FOLH1: variants seen among roughly 807,000 people sequenced by gnomAD.
The protein encoded by FOLH1 is glutamate carboxypeptidase 2.
FOLH1 carries 54 observed loss-of-function variants against 93.9 expected under a neutral mutation model. That is an observed-to-expected ratio of 0.57 (90% confidence interval 0.46 to 0.72). The LOEUF (loss-of-function observed/expected upper bound fraction) is 0.72. Ranked by LOEUF, FOLH1 falls within the 30% of genes least tolerant of loss-of-function variation. The pLI is 0.00. For missense variants in FOLH1, 571 were observed against 892.5 expected, an observed-to-expected ratio of 0.64 and a Z score of 4.59; for synonymous variants, 249 against 303.6, an observed-to-expected ratio of 0.82 and a Z score of 1.87.
chr11:49,194,260 T>C (rs1169492086), intron 3 of FOLH1, among the ~76,000 whole-genome samples: 1 of 151,126 alleles, frequency 6.6e-6, no homozygotes, highest in Admixed American at 6.6e-5. Context: ...AGATAATTCA[T>C]AACCCTACAA....
chr11:49,195,760 TAAGAAAATACTA>T (rs1862550801), intron 3 of FOLH1, among the ~76,000 whole-genome samples: 1 of 152,146 alleles, frequency 6.6e-6, no homozygotes, highest in African/African-American at 2.4e-5. Context: ...TTACAAAAGA[TAAGAAAATACTA>T]GGAACAACTA....
chr11:49,176,002 A>G, intron 7 of FOLH1, 45 bp from the exon 8 acceptor site: 1 of 1,564,520 alleles, frequency 6.4e-7, no homozygotes, highest in East Asian at 2.2e-5. Context: ...AAAACCTTGA[A>G]GTAACGCATT....
chr11:49,206,721 A>C, intron 1 of FOLH1: 1 of 1,521,316 alleles, frequency 6.6e-7, no homozygotes, highest in East Asian at 2.5e-5. Context: ...TTGCGTTTCC[A>C]GTGAAGTAGG....
In FOLH1 at chr11:49,146,108, A is replaced by G. The variant is rs2773231; in HGVS notation, c.*648T>C. 2.0e-5 allele frequency among the ~76,000 whole-genome samples: 3 copies of G among 152,210 alleles called. No homozygotes were observed. Among genetic ancestry groups the G allele is most frequent in the Non-Finnish European group, 4.4e-5 (3 of 68,032 alleles). ...ATAAAATTCAAGAAAATGCAAAAGCATAACTGTCATTAGTACATGGGGCAT... is the reference window on the plus strand; with the variant it reads ...ATAAAATTCAAGAAAATGCAAAAGCGTAACTGTCATTAGTACATGGGGCAT... On this transcript the variant is annotated 3_prime_UTR_variant, in exon 19 of 19. Transcript: ENST00000256999.
chr11:49,182,838 C>T (rs1189204820), intron 7 of FOLH1, among the ~76,000 whole-genome samples: 2 of 152,034 alleles, frequency 1.3e-5, no homozygotes, highest in African/African-American at 2.4e-5. Flanking sequence ...CCCGAGAACA[C>T]CTACAGGAAG....
chr11:49,188,488 G>A (rs1239751160), intron 4 of FOLH1, among the ~76,000 whole-genome samples: 5 of 147,496 alleles, frequency 3.4e-5, no homozygotes, highest in African/African-American at 7.6e-5. Flanking sequence ...ACTCCAGCCC[G>A]GGCGACAGAG....
At chr11:49,150,738 A>G (rs1175487250) in intron 17 of FOLH1, among the ~76,000 whole-genome samples, 1 of 152,200 alleles carries the variant, frequency 6.6e-6, no homozygotes, top group Non-Finnish European at 1.5e-5. Context: ...AGAATGATTC[A>G]ATATAATTGA....
intron 9 of FOLH1, among the ~76,000 whole-genome samples, chr11:49,174,533 T>C (rs1859758403): frequency 1.3e-5 from 2 of 152,266 alleles, no homozygotes; most frequent in South Asian, 4.1e-4. Flanking sequence ...TAGATGTTTA[T>C]AGTTATCATG....
At position 49,148,698 on chromosome 11, in the gene FOLH1, G is replaced by C. The variant is rs372600008; in HGVS notation, c.2004C>G (p.Leu668=). Residue 668 remains leucine (L), a synonymous_variant, in exon 18 of 19, where the codon CTC becomes CTG. Transcript: ENST00000256999. ...CAATAAATGCTCTTTCCAGAAACATGAGTTGATCATTCATCATTCTTAATA... is the reference window on the plus strand; with the variant it reads ...CAATAAATGCTCTTTCCAGAAACATCAGTTGATCATTCATCATTCTTAATA... ...PIVLRMMNDQ[L]MFLERAFIDP... is the part of the protein sequence containing the mutation. 2.3e-5 allele frequency: 37 copies of C among 1,605,698 alleles called. No individual in the cohort carries two copies. In the African/African-American group the frequency reaches 4.3e-4, roughly 19 times the overall value.
At chr11:49,188,306 G>T (rs1371752812) in intron 4 of FOLH1, among the ~76,000 whole-genome samples, 1 of 151,902 alleles carries the variant, frequency 6.6e-6, no homozygotes, top group Admixed American at 6.6e-5. Context: ...CTTGAGGTTG[G>T]GAGTTCAAGA....
chr11:49,207,540 A>G (rs1333105305), intron 1 of FOLH1, among the ~76,000 whole-genome samples: 1 of 152,186 alleles, frequency 6.6e-6, no homozygotes, highest in Admixed American at 6.5e-5. Flanking sequence ...TTAAAGTCCA[A>G]TGAGGAGTAT....
At position 49,181,403 on chromosome 11, in the gene FOLH1, C is replaced by T. The variant is rs991209267; in HGVS notation, c.920+1746G>A. ...GGGATTACAAGTGTGAGCCACCGCG[C>T]CCAGCCCCATGTTTTAATTTTTTAT... is the stretch of plus-strand genomic sequence containing the variant. On this transcript the variant is annotated intron_variant, in intron 7 of 18. Coordinates refer to ENST00000256999, the MANE Select transcript of FOLH1 (RefSeq NM_004476.3). Among the ~76,000 whole-genome samples, 7 of 151,910 alleles carry T rather than the reference C, an allele frequency of 4.6e-5. No individual in the cohort carries two copies. The East Asian group carries it at 7.7e-4, about 17-fold the overall frequency.
chr11:49,170,913 T>G (rs1056892913), intron 11 of FOLH1, among the ~76,000 whole-genome samples: 1 of 152,202 alleles, frequency 6.6e-6, no homozygotes, highest in Non-Finnish European at 1.5e-5. Context: ...GTTTGGTTTC[T>G]AGCATATCTA....
Position 49,158,556 on chromosome 11 carries a change from G to C in FOLH1, c.1441-513C>G, listed in dbSNP as rs11600305. On this transcript the variant is annotated intron_variant, in intron 13 of 18. Coordinates refer to ENST00000256999, the MANE Select transcript of FOLH1 (RefSeq NM_004476.3). Reference sequence around the variant, plus strand: ...CTGTTTTGATTACTGTAGCCTCATAGTATAGTTTGATGTCTCCAGCTTTGT... The same window carrying C: ...CTGTTTTGATTACTGTAGCCTCATACTATAGTTTGATGTCTCCAGCTTTGT... Among the ~76,000 whole-genome samples, 2 of 151,830 alleles carry C rather than the reference G, an allele frequency of 1.3e-5. 1 individual carries two copies. Among genetic ancestry groups the C allele is most frequent in the South Asian group, 4.1e-4 (2 of 4,828 alleles).
chr11:49,180,181 A>C (rs1186687506), intron 7 of FOLH1, among the ~76,000 whole-genome samples: 1 of 152,214 alleles, frequency 6.6e-6, no homozygotes, highest in Admixed American at 6.5e-5. Context: ...CACAATACTA[A>C]CTCATATTGT....
Position 49,187,384 on chromosome 11 carries a change from C to A in FOLH1, c.514-615G>T, listed in dbSNP as rs1396718259. The stretch of plus-strand genomic sequence containing the variant: ...TCCCTAAATTAATTTTGACAATGTC[C>A]CCCTTCATCTAAAATTTAAAATTTT... On this transcript the variant is annotated intron_variant, in intron 4 of 18. Coordinates refer to ENST00000256999, the MANE Select transcript of FOLH1 (RefSeq NM_004476.3). Among the ~76,000 whole-genome samples, 6 of 152,064 alleles carry A rather than the reference C, an allele frequency of 3.9e-5. No individual in the cohort carries two copies. The South Asian group carries it at 6.2e-4, about 16-fold the overall frequency.
Position 49,154,226 on chromosome 11 carries a change from A to G in FOLH1, c.1888+2T>C. 1 of 1,613,034 alleles carries G rather than the reference A, an allele frequency of 6.2e-7. No individual in the cohort carries two copies. The highest frequency in any genetic ancestry group is 8.5e-7 in the Non-Finnish European group (1 of 1,179,252). ...GAATTTGAAAAAGGAAGGGTAACAT[A>G]CCAAATGATACACTGTATGTCTTCA... On this transcript the variant is annotated splice_donor_variant, in intron 16 of 18. Coordinates refer to ENST00000256999, the MANE Select transcript of FOLH1 (RefSeq NM_004476.3). LOFTEE classifies it high-confidence loss of function.
chr11:49,202,825 G>A (rs758663449), intron 2 of FOLH1, among the ~76,000 whole-genome samples: 6 of 152,166 alleles, frequency 3.9e-5, no homozygotes, highest in Non-Finnish European at 8.8e-5. Flanking sequence ...GGAGGCTGGA[G>A]CTCCAAGCTG....
At chr11:49,160,937 G>T (rs1857630934) in intron 13 of FOLH1, among the ~76,000 whole-genome samples, 1 of 152,290 alleles carries the variant, frequency 6.6e-6, no homozygotes, top group South Asian at 2.1e-4. Flanking sequence ...CCATGGAATT[G>T]CATAGTTTTG....
Sources: gnomAD v4.1 joint callset for allele counts (sites outside exome capture counted in the v4.1 genomes callset) on GRCh38, gnomAD v4.1.1 for gene constraint, MANE v1.5 for transcripts, NCBI Gene and HGNC (gene_info 2026-07-23, HGNC 2026-07-21) for gene names.